ABHD1: variants seen among roughly 807,000 people sequenced by gnomAD.
ABHD1 encodes protein ABHD1.
Under a neutral mutation model 41.4 loss-of-function variants are expected in ABHD1, and 47 were observed. That is an observed-to-expected ratio of 1.13 (90% CI 0.90 to 1.45). ABHD1 has a LOEUF of 1.45. Among genes scored for constraint, ABHD1 ranks in the 40% most tolerant of loss-of-function variants. ABHD1 has a pLI of 0.00. For missense variants in ABHD1, 550 were observed against 503.4 expected (o/e 1.09, Z -0.89); for synonymous variants, 205 against 203.7 (o/e 1.01, Z -0.05).
In ABHD1 at chr2:27,130,433, A is replaced by C. The variant is rs1180312591; in HGVS notation, c.1006+17A>C. 1 of 1,613,918 alleles carries C rather than the reference A, an allele frequency of 6.2e-7. No homozygotes were observed. On this transcript the variant is annotated intron_variant, in intron 8 of 8. Coordinates refer to ENST00000316470, the MANE Select transcript of ABHD1 (RefSeq NM_032604.4). ...CCGTCTGTGGTGAGTACTCTGATTCAGGACACTTTGGCCCCAAGGAAAATG... is the reference window on the plus strand; with the variant it reads ...CCGTCTGTGGTGAGTACTCTGATTCCGGACACTTTGGCCCCAAGGAAAATG...
rs369687036 is a variant in ABHD1 at position 27,124,066 on chromosome 2, G to C, written c.114+4G>C. The C allele has an allele frequency of 2.3e-4, 378 of 1,613,594 alleles. 1 individual carries two copies. Among genetic ancestry groups the C allele is most frequent in the Admixed American group, 2.2e-4 (13 of 60,006 alleles). On this transcript the variant is annotated splice_donor_region_variant and intron_variant, in intron 1 of 8. Transcript: ENST00000316470. ...CTACTGGGCATGTGTGCTTCAGGTG[G>C]GTGCGGGTCCACCGCTCTGGCCAGC...
rs997221422 is a variant in ABHD1, at chr2:27,123,822, CA to C, written c.-124del. The C allele has an allele frequency of 9.3e-6, 7 of 749,318 alleles. No homozygotes were observed. The African/African-American group carries it at 1.2e-4, about 13-fold the overall frequency. 46.4% of individuals were successfully genotyped at this position (749,318 alleles called of 1,614,324 possible). On this transcript the variant is annotated 5_prime_UTR_variant, in exon 1 of 9. Coordinates refer to ENST00000316470, the MANE Select transcript of ABHD1 (RefSeq NM_032604.4). ...CCGGCGGTGGGCGGGGCCAGCAGCG[CA>C]AACTGCCTGCAGCGGGGACCGGACC...
intron 1 of ABHD1, chr2:27,126,474 G>A (rs1671959306): frequency 6.6e-6 from 1 of 152,220 alleles, no homozygotes; most frequent in Non-Finnish European, 1.5e-5. Flanking sequence ...GAACTGTACT[G>A]GAGATAGAAA....
chr2:27,124,080 G>A lies in ABHD1; in HGVS notation c.114+18G>A, dbSNP rs776060710. The A allele has an allele frequency of 1.1e-5, 18 of 1,605,824 alleles. No homozygotes were observed. The highest frequency in any genetic ancestry group is 5.0e-5 in the Admixed American group (3 of 60,004). On this transcript the variant is annotated intron_variant, in intron 1 of 8. Transcript: ENST00000316470. ...TGCTTCAGGTGGGTGCGGGTCCACC[G>A]CTCTGGCCAGCGGGTTTGGGTGTAG...
Position 27,124,045 on chromosome 2 carries a change from T to G in ABHD1, c.97T>G (p.Trp33Gly), listed in dbSNP as rs756838881. The G allele has an allele frequency of 6.2e-7, 1 of 1,614,194 alleles. No individual in the cohort carries two copies. Among genetic ancestry groups the G allele is most frequent in the East Asian group, 2.2e-5 (1 of 44,868 alleles). The change falls in exon 1 of 9, where the codon TGG (tryptophan) becomes GGG (glycine). Residue 33 changes from tryptophan (W) to glycine (G), a missense_variant. Coordinates refer to ENST00000316470, the MANE Select transcript of ABHD1 (RefSeq NM_032604.4). ...CGTTGCCCTCTACTTGGGCTACTAC[T>G]GGGCATGTGTGCTTCAGGTGGGTGC... The part of the protein sequence containing the change: ...LAVALYLGYY[W>G]ACVLQRPRLV...
chr2:27,124,289 G>A, intron 1 of ABHD1: 1 of 638,998 alleles, frequency 1.6e-6, no homozygotes, highest in Non-Finnish European at 2.9e-6. Context: ...TCCCTATAAT[G>A]TGGACAAGCA....
intron 1 of ABHD1, 92 bp from the exon 2 acceptor site, chr2:27,128,348 TG>T: frequency 1.3e-6 from 2 of 1,540,310 alleles, no homozygotes; most frequent in Non-Finnish European, 8.9e-7. Flanking sequence ...GGCTGGGCTC[TG>T]GAGAGGGGGC....
At chr2:27,128,307 A>G in intron 1 of ABHD1, 134 bp from the exon 2 acceptor site, 3 of 1,047,500 alleles carry the variant, frequency 2.9e-6, no homozygotes, top group Non-Finnish European at 4.4e-6. Flanking sequence ...TGTGCTGAGT[A>G]TCTCACATGC....
chr2:27,130,586 G>T lies in ABHD1; in HGVS notation c.1060G>T (p.Ala354Ser), dbSNP rs745916137. 6.8e-6 allele frequency: 11 copies of T among 1,614,208 alleles called. No individual in the cohort carries two copies. In the South Asian group the frequency reaches 1.2e-4, roughly 18 times the overall value. Residue 354 changes from alanine (A) to serine (S), a missense_variant, in exon 9 of 9, where the codon GCC becomes TCC. By Grantham distance (99) the Ala-to-Ser change is moderately conservative. Transcript: ENST00000316470. Reference sequence around the variant, plus strand: ...CCCCTACGTTGCGCTGCTCATCACAGCCCGGGGTGGCCACATCGGCTTCCT... The same window carrying T: ...CCCCTACGTTGCGCTGCTCATCACATCCCGGGGTGGCCACATCGGCTTCCT... ...HSPYVALLIT[A>S]RGGHIGFLEG... is the part of the protein sequence containing the mutation.
chr2:27,124,348 A>G (rs1004578441), intron 1 of ABHD1: 1 of 501,946 alleles, frequency 2.0e-6, no homozygotes, highest in African/African-American at 1.9e-5. Context: ...AGAGATGTGC[A>G]CACTTTGCGT....
At chr2:27,128,168 G>C (rs1382830478) in intron 1 of ABHD1, among the ~76,000 whole-genome samples, 1 of 152,170 alleles carries the variant, frequency 6.6e-6, no homozygotes, top group Non-Finnish European at 1.5e-5. Context: ...AGGCTGAGCA[G>C]GAAAGTCAGC....
At chr2:27,128,870 G>A in intron 2 of ABHD1, 75 bp from the exon 3 acceptor site, 4 of 1,502,504 alleles carry the variant, frequency 2.7e-6, no homozygotes, top group Non-Finnish European at 3.6e-6. Context: ...GTTTGTGGGT[G>A]GGGCAGGGGG....
intron 1 of ABHD1, among the ~76,000 whole-genome samples, chr2:27,127,329 C>T (rs1429598685): frequency 4.6e-5 from 6 of 131,804 alleles, no homozygotes; most frequent in South Asian, 4.9e-4. Flanking sequence ...CCGAGGCGGG[C>T]GGATCATGAG....
At chr2:27,124,306 G>A (rs1401737900) in intron 1 of ABHD1, 1 of 610,284 alleles carries the variant, frequency 1.6e-6, no homozygotes, top group Non-Finnish European at 3.1e-6. Context: ...AGCATTTGGG[G>A]AAAGGTGGGG....
In ABHD1 at chr2:27,129,787, G is replaced by GCAGGCT; in HGVS notation, c.652_657dup (p.Gln218_Ala219dup). On this transcript the variant is annotated inframe_insertion, in exon 6 of 9. Transcript: ENST00000316470. ...TGCTGAATCACCTGGCACAGGCCAGGCAGGCTGCAGGGCTGGTGGCAGCAC... is the reference window on the plus strand; with the variant it reads ...TGCTGAATCACCTGGCACAGGCCAGGCAGGCTCAGGCTGCAGGGCTGGTGGCAGCAC... The GCAGGCT allele has an allele frequency of 1.9e-6, 3 of 1,614,158 alleles. No homozygotes were observed. Among genetic ancestry groups the GCAGGCT allele is most frequent in the Non-Finnish European group, 2.5e-6 (3 of 1,180,022 alleles).
intron 5 of ABHD1, 22 bp downstream of exon 5, chr2:27,129,648 C>T (rs539708236): frequency 1.9e-6 from 3 of 1,610,368 alleles, no homozygotes; most frequent in Middle Eastern, 1.7e-4. Context: ...CTGGGCTTAG[C>T]CCAGAGGCCC....
intron 1 of ABHD1, chr2:27,126,718 A>C (rs956982564): frequency 6.6e-6 from 1 of 152,156 alleles, no homozygotes; most frequent in Non-Finnish European, 1.5e-5. Context: ...GGAAGAAAAA[A>C]ATCGATTCAC....
intron 8 of ABHD1, 26 bp downstream of exon 8, chr2:27,130,442 T>C (rs1354845427): frequency 1.9e-6 from 3 of 1,613,666 alleles, no homozygotes; most frequent in Non-Finnish European, 2.5e-6. Flanking sequence ...CAGGACACTT[T>C]GGCCCCAAGG....
intron 1 of ABHD1, 179 bp downstream of exon 1, chr2:27,124,241 C>T: frequency 1.4e-6 from 1 of 705,526 alleles, no homozygotes; most frequent in Non-Finnish European, 2.6e-6. Context: ...ATGTGATCCC[C>T]ATGCCAGCTG....
Sources: gnomAD v4.1 joint callset for allele counts (sites outside exome capture counted in the v4.1 genomes callset) on GRCh38, gnomAD v4.1.1 for gene constraint, MANE v1.5 for transcripts, NCBI Gene and HGNC (gene_info 2026-07-23, HGNC 2026-07-21) for gene names.